Variants in EML2 observed in about 807,000 individuals in gnomAD.
EML2 encodes the protein echinoderm microtubule-associated protein-like 2.
EML2 carries 59 observed loss-of-function variants against 84.7 expected under a neutral mutation model. That is an observed-to-expected ratio of 0.70 (90% CI 0.56 to 0.86). The LOEUF is 0.86. Ranked by LOEUF, EML2 falls within the 40% of genes least tolerant of loss-of-function variation. The probability of loss-of-function intolerance (pLI) is 0.00; values close to 1 mark genes in which losing one functional copy is unlikely to be tolerated. For missense variants in EML2, 818 were observed against 855.6 expected (o/e 0.96, Z 0.55); for synonymous variants, 352 against 348.9 (o/e 1.01, Z -0.10).
intron 3 of EML2, among the ~76,000 whole-genome samples, chr19:45,637,445 G>A (rs1417709327): frequency 6.7e-6 from 1 of 149,418 alleles, no homozygotes; most frequent in Admixed American, 6.7e-5. Context: ...CTGTCAGATA[G>A]TAAGTGCTTG....
chr19:45,616,832 C>T lies in EML2; in HGVS notation c.1344G>A (p.Glu448=). Residue 448 remains glutamate (E), a synonymous_variant, in exon 14 of 19, where the codon GAG becomes GAA. Transcript: ENST00000245925. ...VTGRWLLLDT[E]THDLVAIHTD... ...TGTGGATAGCCACCAGGTCATGGGT[C>T]TCCGTGTCCAGCAGCAGCCATCTTG... 1 of 1,613,206 alleles carries T rather than the reference C, an allele frequency of 6.2e-7. No homozygotes were observed. The highest frequency in any genetic ancestry group is 2.2e-5 in the East Asian group (1 of 44,850).
chr19:45,645,551 C>A, upstream of EML2: 1 of 1,061,508 alleles, frequency 9.4e-7, no homozygotes, highest in Non-Finnish European at 1.3e-6. Flanking sequence ...GCCAAGCCCC[C>A]CAACACAATC....
chr19:45,629,987 C>G lies in EML2; in HGVS notation c.570G>C (p.Trp190Cys). 1 of 1,613,560 alleles carries G rather than the reference C, an allele frequency of 6.2e-7. No homozygotes were observed. ...CCACCTTGGTCTCCTTGGCCCAGTC[C>G]CACACCGAGAGCATGTGATCATTGG... is the stretch of plus-strand genomic sequence containing the variant. Reference protein sequence around the residue: ...DESNDHMLSVWDWAKETKVVD... With the variant: ...DESNDHMLSVCDWAKETKVVD... The change falls in exon 7 of 19, where the codon TGG (tryptophan) becomes TGC (cysteine). Residue 190 changes from tryptophan (W) to cysteine (C), a missense_variant. Coordinates refer to ENST00000245925, the MANE Select transcript of EML2 (RefSeq NM_012155.4).
At position 45,616,835 on chromosome 19, in the gene EML2, C is replaced by T. The variant is rs771525008; in HGVS notation, c.1341G>A (p.Thr447=). ...GGATAGCCACCAGGTCATGGGTCTC[C>T]GTGTCCAGCAGCAGCCATCTTGAAG... ...TVTGRWLLLD[T]ETHDLVAIHT... The change falls in exon 14 of 19, where the codon ACG becomes ACA. Residue 447 remains threonine, a synonymous_variant. Transcript: ENST00000245925. 11 of 1,612,952 alleles carry T rather than the reference C, an allele frequency of 6.8e-6. No individual in the cohort carries two copies. The South Asian group carries it at 7.7e-5, about 11-fold the overall frequency.
chr19:45,641,696 C>A (rs1337560599), upstream of EML2: 1 of 1,535,980 alleles, frequency 6.5e-7, no homozygotes, highest in African/African-American at 1.4e-5. Context: ...CTGCGGGGGT[C>A]CTCACGGCGC....
At chr19:45,638,361 G>A (rs147082104) in intron 3 of EML2, 144 bp downstream of exon 3, 299 of 1,166,194 alleles carry the variant, frequency 2.6e-4, no homozygotes, top group Middle Eastern at 1.4e-3. Context: ...TGCTTGTTTT[G>A]TGTGTTGCCC....
chr19:45,643,491 G>GC (rs1036095756), upstream of EML2: 41 of 1,492,924 alleles, frequency 2.7e-5, no homozygotes, highest in Middle Eastern at 1.7e-4. Flanking sequence ...TCCCCGAGTC[G>GC]CCCCCCCAAC....
chr19:45,630,397 C>G (rs1172685398), intron 6 of EML2, among the ~76,000 whole-genome samples: 1 of 149,714 alleles, frequency 6.7e-6, no homozygotes, highest in Non-Finnish European at 1.5e-5. Flanking sequence ...ACTAAAAATA[C>G]AAAAAATTAG....
intron 11 of EML2, chr19:45,619,506 C>T (rs898752978): frequency 5.4e-6 from 1 of 185,464 alleles, no homozygotes; most frequent in Non-Finnish European, 1.1e-5. Flanking sequence ...TGGCCACACA[C>T]CTCCCAGGTC....
chr19:45,644,362 T>C (rs1974868287), upstream of EML2, among the ~76,000 whole-genome samples: 2 of 152,140 alleles, frequency 1.3e-5, no homozygotes, highest in African/African-American at 4.8e-5. Flanking sequence ...CACCCTGTCA[T>C]TCTGGCTCTT....
chr19:45,645,399 C>G (rs1209501627), upstream of EML2: 2 of 1,492,860 alleles, frequency 1.3e-6, no homozygotes, highest in South Asian at 2.5e-5. Flanking sequence ...TCCCCCCAAC[C>G]AGGCCCTGCC....
intron 11 of EML2, chr19:45,619,397 C>T: frequency 2.1e-6 from 1 of 482,750 alleles, no homozygotes; most frequent in Non-Finnish European, 3.5e-6. Context: ...GCAAATCCTG[C>T]CCCTTCTCCA....
At chr19:45,614,490 G>T in intron 17 of EML2, 115 bp downstream of exon 17, 1 of 852,802 alleles carries the variant, frequency 1.2e-6, no homozygotes, top group Non-Finnish European at 2.0e-6. Context: ...CCCACATGCA[G>T]TAAAGCAGTG....
At chr19:45,643,440 C>G (rs2122855637), upstream of EML2, 2 of 1,058,878 alleles carry the variant, frequency 1.9e-6, no homozygotes, top group South Asian at 2.8e-5. Flanking sequence ...ACCCCGCGCC[C>G]CAGATTTGGC....
At chr19:45,644,005 GGT>G (rs1255397005), upstream of EML2, among the ~76,000 whole-genome samples, 1 of 152,174 alleles carries the variant, frequency 6.6e-6, no homozygotes, top group Non-Finnish European at 1.5e-5. Flanking sequence ...TCAGCCCGTA[GGT>G]GGGGGCTGGG....
At chr19:45,641,752 A>G (rs1447228942), upstream of EML2, 1 of 1,535,962 alleles carries the variant, frequency 6.5e-7, no homozygotes, top group East Asian at 2.4e-5. Context: ...GACACTGCTA[A>G]AAGAGAGCAC....
chr19:45,624,914 C>T, intron 8 of EML2, 96 bp from the exon 9 acceptor site: 1 of 834,620 alleles, frequency 1.2e-6, no homozygotes, highest in Non-Finnish European at 2.0e-6. Context: ...CAGGCAATCC[C>T]CTCTATCTAT....
chr19:45,642,393 G>A (rs899708410), upstream of EML2: 2 of 1,520,156 alleles, frequency 1.3e-6, no homozygotes, highest in Non-Finnish European at 8.8e-7. Context: ...CCACCCAGGA[G>A]CTCCAGTGCC....
intron 7 of EML2, among the ~76,000 whole-genome samples, chr19:45,627,321 T>C (rs12462392): frequency 0.14 from 20,817 of 143,740 alleles, 1,518 homozygotes; most frequent in African/African-American, 0.19. Flanking sequence ...GGTAGCACAA[T>C]CTTGGCTCCT....
Sources: allele counts gnomAD v4.1 joint callset (sites outside exome capture counted in the v4.1 genomes callset), GRCh38; gene constraint gnomAD v4.1.1; transcripts MANE v1.5; gene names NCBI Gene and HGNC (gene_info 2026-07-23, HGNC 2026-07-21).